The following DNHD1 variants were observed in gnomAD, a reference collection of about 807,000 sequenced individuals.
The protein encoded by DNHD1 is dynein heavy chain domain 1, also known as dynein heavy chain domain-containing protein 1.
Under a neutral mutation model 458.1 loss-of-function variants are expected in DNHD1, and 383 were observed. That is an observed-to-expected ratio of 0.84 (90% CI 0.77 to 0.91). DNHD1 has a LOEUF of 0.91. Ranked by LOEUF, DNHD1 falls within the 40% of genes least tolerant of loss-of-function variation. DNHD1 has a pLI of 0.00. For synonymous variants in DNHD1, 2,203 were observed against 2,376.9 expected (o/e 0.93, Z 2.13); for missense variants, 5,336 against 5,866.1 (o/e 0.91, Z 2.95).
intron 4 of DNHD1, 62 bp downstream of exon 4, chr11:6,502,988 C>A: frequency 1.9e-6 from 3 of 1,574,246 alleles, no homozygotes; most frequent in Non-Finnish European, 2.6e-6. Context: ...ATGCTATCTT[C>A]CCCCTCCTCT....
At chr11:6,516,069 G>A (rs1554963657) in intron 7 of DNHD1, among the ~76,000 whole-genome samples, 1 of 150,558 alleles carries the variant, frequency 6.6e-6, no homozygotes, top group Non-Finnish European at 1.5e-5. Context: ...TTATAGGCAT[G>A]AGCCACCACA....
At position 6,563,593 on chromosome 11, in the gene DNHD1, G is replaced by A. The variant is rs1460050669; in HGVS notation, c.9852+29G>A. The stretch of plus-strand genomic sequence containing the variant: ...GGAAGGGTGGAGCACAATGAAGGAG[G>A]ATAGGGGAGGCATAAAGGGACACTT... On this transcript the variant is annotated intron_variant, in intron 30 of 42. Transcript: ENST00000254579. 5.8e-6 allele frequency: 9 copies of A among 1,549,706 alleles called. 1 individual carries two copies. The highest frequency in any genetic ancestry group is 1.7e-4 in the Middle Eastern group (1 of 5,992).
rs1326094495 is a variant in DNHD1, at chr11:6,567,835, A to G, written c.12326A>G (p.Gln4109Arg). ...SATLHPLTVI[Q>R]KLAAKYQQGQ... Reference sequence around the variant, plus strand: ...ACTCTGCATCCTCTGACTGTCATCCAGAAACTGGCTGCCAAGTATCAGCAG... The same window carrying G: ...ACTCTGCATCCTCTGACTGTCATCCGGAAACTGGCTGCCAAGTATCAGCAG... Residue 4109 changes from glutamine (Q) to arginine (R), a missense_variant, in exon 36 of 43, where the codon CAG (glutamine) becomes CGG (arginine). Physicochemically the swap from Gln to Arg is conservative, Grantham distance 43. This residue lies in a region of DNHD1 where 695 missense variants were observed against 804.2 expected (regional missense o/e 0.86). Transcript: ENST00000254579. 1.9e-6 allele frequency: 3 copies of G among 1,612,506 alleles called. No individual in the cohort carries two copies. The East Asian group carries it at 6.7e-5, about 36-fold the overall frequency.
intron 14 of DNHD1, among the ~76,000 whole-genome samples, chr11:6,536,198 A>G (rs1271966795): frequency 6.6e-6 from 1 of 152,216 alleles, no homozygotes; most frequent in African/African-American, 2.4e-5. Context: ...AAAGAAAGAA[A>G]GGCTATGGAA....
intron 7 of DNHD1, among the ~76,000 whole-genome samples, chr11:6,515,941 G>A (rs11605621): frequency 0.18 from 27,047 of 151,538 alleles, 2,558 homozygotes; most frequent in Middle Eastern, 0.23. Flanking sequence ...ATGGGCCACC[G>A]TACCTGGCTA....
chr11:6,504,135 G>T (rs1339450408), intron 4 of DNHD1: 1 of 152,190 alleles, frequency 6.6e-6, no homozygotes, highest in Non-Finnish European at 1.5e-5. Flanking sequence ...AACTTAGGTA[G>T]CACTAATGAT....
chr11:6,498,048 C>A lies in DNHD1; in HGVS notation c.-168C>A. The A allele has an allele frequency of 1.1e-6, 1 of 877,664 alleles. No homozygotes were observed. Among genetic ancestry groups the A allele is most frequent in the Non-Finnish European group, 1.8e-6 (1 of 559,340 alleles). 54.4% of individuals were successfully genotyped at this position (877,664 alleles called of 1,614,324 possible). ...TCCCAGGTCCTTTCTTCCTCCTAAC[C>A]CCATTGACTCTGACCATCCCCTGCC... On this transcript the variant is annotated 5_prime_UTR_variant, in exon 3 of 43. Transcript: ENST00000254579.
At position 6,557,430 on chromosome 11, in the gene DNHD1, G is replaced by C. The variant is rs1267250740; in HGVS notation, c.8135G>C (p.Gly2712Ala). The C allele has an allele frequency of 1.3e-6, 2 of 1,551,428 alleles. No individual in the cohort carries two copies. ...EERVPEVESE[G>A]ELAQWEDFSN... Reference sequence around the variant, plus strand: ...AGGGTGCCCGAAGTAGAATCTGAAGGGGAGTTGGCCCAGTGGGAGGACTTC... The same window carrying C: ...AGGGTGCCCGAAGTAGAATCTGAAGCGGAGTTGGCCCAGTGGGAGGACTTC... Residue 2712 changes from glycine (G) to alanine (A), a missense_variant, in exon 25 of 43, where the codon GGG (glycine) becomes GCG (alanine). Gly to Ala is a moderately conservative substitution (Grantham distance 60). Around this residue, in one of 4 missense-constraint regions of DNHD1, gnomAD observed 3,932 missense variants for 4,365.6 expected, o/e 0.90. Transcript: ENST00000254579.
intron 7 of DNHD1, among the ~76,000 whole-genome samples, chr11:6,513,418 G>C (rs988989217): frequency 7.2e-5 from 11 of 152,176 alleles, no homozygotes; most frequent in African/African-American, 2.4e-4. Flanking sequence ...GTCACCACAG[G>C]TTAATTTTGT....
At chr11:6,549,266 G>C (rs1377967961) in intron 24 of DNHD1, among the ~76,000 whole-genome samples, 1 of 152,052 alleles carries the variant, frequency 6.6e-6, no homozygotes, top group East Asian at 1.9e-4. Flanking sequence ...GCCAAAATCT[G>C]CTCCTGTCTG....
Position 6,557,516 on chromosome 11 carries a change from G to C in DNHD1, c.8221G>C (p.Val2741Leu). The change falls in exon 25 of 43, where the codon GTC (valine) becomes CTC (leucine). Residue 2741 changes from valine (V) to leucine (L), a missense_variant. Transcript: ENST00000254579. ...ACCTTATGGCCTTCAGGTCGCCAGA[G>C]TCTCAAACTCCAGAGATCCAAGTCT... The part of the protein sequence containing the change: ...EEPYGLQVAR[V>L]SNSRDPSLTP... 6.4e-7 allele frequency: 1 copy of C among 1,551,760 alleles called. No homozygotes were observed. Among genetic ancestry groups the C allele is most frequent in the Non-Finnish European group, 8.7e-7 (1 of 1,147,012 alleles).
chr11:6,516,964 A>T (rs1852484270), intron 7 of DNHD1, among the ~76,000 whole-genome samples: 1 of 151,988 alleles, frequency 6.6e-6, no homozygotes, highest in African/African-American at 2.4e-5. Context: ...GTCTTAGTCC[A>T]CTCAGGCCTC....
rs1393911450 is a variant in DNHD1 at position 6,558,972 on chromosome 11, T to A, written c.9282T>A (p.Leu3094=). Residue 3094 remains leucine (L), a synonymous_variant, in exon 27 of 43, where the codon CTT becomes CTA. Coordinates refer to ENST00000254579, the MANE Select transcript of DNHD1 (RefSeq NM_144666.3). ...SVAKAMALIH[L]SATHYHEHLC... ...CCAAAGCCATGGCTCTTATCCACCT[T>A]TCGGCCACCCACTACCATGAGCACC... 1 of 1,551,582 alleles carries A rather than the reference T, an allele frequency of 6.4e-7. No individual in the cohort carries two copies. The highest frequency in any genetic ancestry group is 8.7e-7 in the Non-Finnish European group (1 of 1,147,006).
At chr11:6,549,039 T>C (rs527337642) in intron 24 of DNHD1, 106 bp downstream of exon 24, 8 of 1,257,510 alleles carry the variant, frequency 6.4e-6, no homozygotes, top group Admixed American at 2.6e-5. Flanking sequence ...TAGATCTAAC[T>C]TTAGTGTTCT....
chr11:6,509,329 T>C, intron 6 of DNHD1, 57 bp downstream of exon 6: 1 of 1,440,610 alleles, frequency 6.9e-7, no homozygotes, highest in East Asian at 2.3e-5. Context: ...TTACTAAAGG[T>C]AATAGTATGT....
Position 6,563,997 on chromosome 11 carries a change from A to G in DNHD1, c.10157A>G (p.Glu3386Gly). 6.4e-7 allele frequency: 1 copy of G among 1,551,726 alleles called. No individual in the cohort carries two copies. ...AATTTGGCCCTGGCTAAGATGGTGG[A>G]GGATGCCCAAGCTTCCCACAACTGC... Reference protein sequence around the residue: ...EHNLALAKMVEDAQASHNCVA... With the variant: ...EHNLALAKMVGDAQASHNCVA... The change falls in exon 31 of 43, where the codon GAG becomes GGG. Residue 3386 changes from glutamate (E) to glycine (G), a missense_variant. Glu to Gly is a moderately conservative substitution (Grantham distance 98). This residue lies in a region of DNHD1 where 3,932 missense variants were observed against 4,365.6 expected (regional missense o/e 0.90). Transcript: ENST00000254579.
rs1428753546 is a variant in DNHD1 at position 6,567,870 on chromosome 11, T to C, written c.12351+10T>C. 1.9e-6 allele frequency: 3 copies of C among 1,604,408 alleles called. No individual in the cohort carries two copies. The South Asian group carries it at 3.3e-5, about 18-fold the overall frequency. On this transcript the variant is annotated intron_variant, in intron 36 of 42. Coordinates refer to ENST00000254579, the MANE Select transcript of DNHD1 (RefSeq NM_144666.3). ...TGCCAAGTATCAGCAGGTTTGAACC[T>C]AGTTTCTTGGCCACAGAGTGACCAG...
At chr11:6,500,358 C>T (rs1360350847) in intron 3 of DNHD1, among the ~76,000 whole-genome samples, 5 of 152,192 alleles carry the variant, frequency 3.3e-5, no homozygotes, top group Non-Finnish European at 7.4e-5. Context: ...ATTTACTGTT[C>T]GGGAAGAAGG....
intron 7 of DNHD1, among the ~76,000 whole-genome samples, chr11:6,518,370 T>C (rs1005308674): frequency 6.6e-6 from 1 of 152,220 alleles, no homozygotes; most frequent in African/African-American, 2.4e-5. Context: ...CCTAAACATT[T>C]TTTTCACATA....
Sources: allele counts gnomAD v4.1 joint callset (sites outside exome capture counted in the v4.1 genomes callset), GRCh38; gene constraint gnomAD v4.1.1; regional missense constraint gnomAD v4.1.1; transcripts MANE v1.5; gene names NCBI Gene and HGNC (gene_info 2026-07-23, HGNC 2026-07-21).